MYC: variants seen among roughly 807,000 people sequenced by gnomAD.
MYC encodes myc proto-oncogene protein.
In MYC, 1 loss-of-function variant was observed where a neutral mutation model predicts 30.5. The ratio of observed to expected loss-of-function variants is 0.03; its 90% CI spans 0.01 to 0.16. The LOEUF (loss-of-function observed/expected upper bound fraction) is 0.16, where lower values mean the gene tolerates loss of function less well. Ranked by LOEUF, MYC falls within the 10% of genes least tolerant of loss-of-function variation. The probability of loss-of-function intolerance (pLI) is 1.00; values close to 1 mark genes in which losing one functional copy is unlikely to be tolerated. For missense variants in MYC, 508 were observed against 589.0 expected, an observed-to-expected ratio of 0.86 and a Z score of 1.42; for synonymous variants, 267 against 250.7, an observed-to-expected ratio of 1.07 and a Z score of -0.62.
Position 127,740,644 on chromosome 8 carries a change from A to G in MYC, c.1051A>G (p.Ile351Val). 1 of 1,614,110 alleles carries G rather than the reference A, an allele frequency of 6.2e-7. No homozygotes were observed. Among genetic ancestry groups the G allele is most frequent in the Non-Finnish European group, 8.5e-7 (1 of 1,180,024 alleles). The change falls in exon 3 of 3, where the codon ATC becomes GTC. Residue 351 changes from isoleucine to valine, a missense_variant. Coordinates refer to ENST00000621592, the MANE Select transcript of MYC (RefSeq NM_002467.6). ...GGACAGTGTCAGAGTCCTGAGACAGATCAGCAACAACCGAAAATGCACCAG... is the reference window on the plus strand; with the variant it reads ...GGACAGTGTCAGAGTCCTGAGACAGGTCAGCAACAACCGAAAATGCACCAG...
In MYC at chr8:127,742,925, A is replaced by T. The variant is rs1285560206; in HGVS notation, c.*1967A>T. Among the ~76,000 whole-genome samples, 1 of 152,188 alleles carries T rather than the reference A, an allele frequency of 6.6e-6. No homozygotes were observed. The highest frequency in any genetic ancestry group is 2.4e-5 in the African/African-American group (1 of 41,438). On this transcript the variant is annotated 3_prime_UTR_variant, in exon 3 of 3. Coordinates refer to ENST00000621592, the MANE Select transcript of MYC (RefSeq NM_002467.6). Reference sequence around the variant, plus strand: ...GGGATTTTAATCTACCACCACCCATAAATCAATAAATAATTACTTTCTTTG... The same window carrying T: ...GGGATTTTAATCTACCACCACCCATTAATCAATAAATAATTACTTTCTTTG...
chr8:127,736,145 G>C (rs1212393164), upstream of MYC: 69 of 451,386 alleles, frequency 1.5e-4, 1 homozygote, highest in Non-Finnish European at 1.6e-5. Flanking sequence ...CCTCGAGAAG[G>C]GCAGGGCTTC....
chr8:127,735,672 C>G, upstream of MYC: 1 of 398,958 alleles, frequency 2.5e-6, no homozygotes, highest in Non-Finnish European at 4.4e-6. Context: ...GCCTGGTACG[C>G]GCGTGGCGTG....
chr8:127,739,200 T>G (rs1037814347), intron 2 of MYC, among the ~76,000 whole-genome samples, 181 bp downstream of exon 2: 2 of 152,186 alleles, frequency 1.3e-5, no homozygotes, highest in Admixed American at 6.5e-5. Context: ...CCCTTCCCCT[T>G]AGACTGCCCA....
At position 127,740,379 on chromosome 8, in the gene MYC, T is replaced by C. The variant is rs2130101810; in HGVS notation, c.803-17T>C. The C allele has an allele frequency of 6.2e-7, 1 of 1,608,820 alleles. No homozygotes were observed. Among genetic ancestry groups the C allele is most frequent in the Non-Finnish European group, 8.5e-7 (1 of 1,176,336 alleles). The stretch of plus-strand genomic sequence containing the variant: ...GTAACCTTGCTAAAGGAGTGATTTC[T>C]ATTTCCTTTCTTAAAGAGGAGGAAC... On this transcript the variant is annotated splice_polypyrimidine_tract_variant and intron_variant, in intron 2 of 2. Coordinates refer to ENST00000621592, the MANE Select transcript of MYC (RefSeq NM_002467.6).
At chr8:127,737,440 G>T (rs1813612464) in intron 1 of MYC, among the ~76,000 whole-genome samples, 1 of 152,220 alleles carries the variant, frequency 6.6e-6, no homozygotes, top group South Asian at 2.1e-4. Flanking sequence ...CGAGGAGCGG[G>T]GCTCTGGGCG....
chr8:127,739,059 T>C (rs1247654539), intron 2 of MYC, 40 bp downstream of exon 2: 6 of 1,445,002 alleles, frequency 4.2e-6, no homozygotes, highest in Non-Finnish European at 5.4e-6. Flanking sequence ...AGTGGGCGGC[T>C]GGATACCTTT....
chr8:127,740,941 C>G lies in MYC; in HGVS notation c.1348C>G (p.Arg450Gly), dbSNP rs779123478. 5.1e-6 allele frequency: 8 copies of G among 1,573,736 alleles called. No homozygotes were observed. The South Asian group carries it at 7.0e-5, about 14-fold the overall frequency. ...GTTGAAACACAAACTTGAACAGCTA[C>G]GGAACTCTTGTGCGTAAGGAAAAGT... Residue 450 changes from arginine to glycine, a missense_variant, in exon 3 of 3, where the codon CGG (arginine) becomes GGG (glycine). Arg to Gly is a moderately radical substitution (Grantham distance 125). This residue lies in a region of MYC where 31 missense variants were observed against 28.3 expected (regional missense o/e 1.09). Coordinates refer to ENST00000621592, the MANE Select transcript of MYC (RefSeq NM_002467.6).
In MYC at chr8:127,736,591, A is replaced by G. The variant is rs1440943676; in HGVS notation, c.-3A>G. 1 of 1,614,076 alleles carries G rather than the reference A, an allele frequency of 6.2e-7. No individual in the cohort carries two copies. Among genetic ancestry groups the G allele is most frequent in the Non-Finnish European group, 8.5e-7 (1 of 1,180,040 alleles). On this transcript the variant is annotated 5_prime_UTR_variant, in exon 1 of 3. Coordinates refer to ENST00000621592, the MANE Select transcript of MYC (RefSeq NM_002467.6). ...AAAGGCTCTCCTTGCAGCTGCTTAG[A>G]CGCTGGATTTTTTTCGGGTAGTGGA... is the stretch of plus-strand genomic sequence containing the variant.
chr8:127,737,571 AC>A (rs1813616202), intron 1 of MYC, among the ~76,000 whole-genome samples: 1 of 144,436 alleles, frequency 6.9e-6, no homozygotes, highest in African/African-American at 2.6e-5. Flanking sequence ...ATTATTTGAC[AC>A]CCCCCTTGTA....
Position 127,738,997 on chromosome 8 carries a change from G to T in MYC, c.780G>T (p.Pro260=), listed in dbSNP as rs768812689. 2.0e-6 allele frequency: 3 copies of T among 1,521,318 alleles called. No individual in the cohort carries two copies. The highest frequency in any genetic ancestry group is 1.3e-5 in the South Asian group (1 of 78,910). 94.2% of individuals were successfully genotyped at this position (1,521,318 alleles called of 1,614,324 possible). Residue 260 remains proline (P), a synonymous_variant, in exon 2 of 3, where the codon CCG becomes CCT. Coordinates refer to ENST00000621592, the MANE Select transcript of MYC (RefSeq NM_002467.6). The surrounding 1 kb of genome is among the most constrained non-coding windows in gnomAD (Gnocchi z 7.6). ...CCCTGGTGCTCCATGAGGAGACACCGCCCACCACCAGCAGCGACTCTGGTA... is the reference window on the plus strand; with the variant it reads ...CCCTGGTGCTCCATGAGGAGACACCTCCCACCACCAGCAGCGACTCTGGTA...
chr8:127,740,174 G>A (rs866914587), intron 2 of MYC, among the ~76,000 whole-genome samples: 1 of 151,976 alleles, frequency 6.6e-6, no homozygotes, highest in Non-Finnish European at 1.5e-5. Flanking sequence ...GGCCAGGATG[G>A]TCTCTCCTGA....
In MYC at chr8:127,736,400, G is replaced by T. The variant is rs985838399; in HGVS notation, c.-194G>T. 3 of 623,860 alleles carry T rather than the reference G, an allele frequency of 4.8e-6. No individual in the cohort carries two copies. The highest frequency in any genetic ancestry group is 3.9e-5 in the South Asian group (2 of 51,870). The allele number at this position is 623,860 out of a possible 1,614,324, so 38.6% of individuals were successfully genotyped here. On this transcript the variant is annotated 5_prime_UTR_variant, in exon 1 of 3. Coordinates refer to ENST00000621592, the MANE Select transcript of MYC (RefSeq NM_002467.6). Reference sequence around the variant, plus strand: ...CCCTCCCGCTGATCCCCCAGCCAGCGGTCCGCAACCCTTGCCGCATCCACG... The same window carrying T: ...CCCTCCCGCTGATCCCCCAGCCAGCTGTCCGCAACCCTTGCCGCATCCACG...
At chr8:127,736,804 T>C (rs1333889093) in intron 1 of MYC, among the ~76,000 whole-genome samples, 181 bp downstream of exon 1, 1 of 152,084 alleles carries the variant, frequency 6.6e-6, no homozygotes, top group Non-Finnish European at 1.5e-5. Context: ...CGGGGTAAAG[T>C]GACTTGTCAA....
chr8:127,737,731 G>A (rs1200298586), intron 1 of MYC, among the ~76,000 whole-genome samples: 2 of 152,154 alleles, frequency 1.3e-5, no homozygotes, highest in African/African-American at 4.8e-5. Context: ...AGGGGCTGCG[G>A]TGCCGGCGGG....
chr8:127,740,630 G>C lies in MYC; in HGVS notation c.1037G>C (p.Arg346Thr), dbSNP rs752586995. ...AAGAGGGTCAAGTTGGACAGTGTCA[G>C]AGTCCTGAGACAGATCAGCAACAAC... Residue 346 changes from arginine to threonine, a missense_variant, in exon 3 of 3, where the codon AGA becomes ACA. This residue lies in a region of MYC where 364 missense variants were observed against 381.1 expected (regional missense o/e 0.96). Coordinates refer to ENST00000621592, the MANE Select transcript of MYC (RefSeq NM_002467.6). 2 of 1,614,046 alleles carry C rather than the reference G, an allele frequency of 1.2e-6. No homozygotes were observed. The highest frequency in any genetic ancestry group is 1.7e-6 in the Non-Finnish European group (2 of 1,180,006).
chr8:127,736,486 G>C lies in MYC; in HGVS notation c.-108G>C. 1 of 1,277,944 alleles carries C rather than the reference G, an allele frequency of 7.8e-7. No individual in the cohort carries two copies. The highest frequency in any genetic ancestry group is 1.9e-5 in the Admixed American group (1 of 52,338). The allele number at this position is 1,277,944 out of a possible 1,614,324, so 79.2% of individuals were successfully genotyped here. ...CTGGAACTTACAACACCCGAGCAAG[G>C]ACGCGACTCTCCCGACGCGGGGAGG... On this transcript the variant is annotated 5_prime_UTR_variant, in exon 1 of 3. Transcript: ENST00000621592.
upstream of MYC, chr8:127,735,785 C>A (rs1329400396): frequency 5.0e-6 from 2 of 399,206 alleles, no homozygotes; most frequent in East Asian, 3.6e-5. Context: ...AGTACTGCTA[C>A]GGAGGAGCAG....
Position 127,741,635 on chromosome 8 carries a change from CAGTT to C in MYC, c.*680_*683del, listed in dbSNP as rs560392947. ...AGACTATGATAACAGCCAGAGTTGA[CAGTT>C]AGAAGGAATGGCAGAAGGCAGGTGA... On this transcript the variant is annotated 3_prime_UTR_variant, in exon 3 of 3. Coordinates refer to ENST00000621592, the MANE Select transcript of MYC (RefSeq NM_002467.6). Among the ~76,000 whole-genome samples the C allele has an allele frequency of 1.2e-3, 190 of 152,096 alleles. No homozygotes were observed. Among genetic ancestry groups the C allele is most frequent in the Non-Finnish European group, 2.5e-3 (169 of 67,990 alleles).
Sources: allele counts gnomAD v4.1 joint callset (sites outside exome capture counted in the v4.1 genomes callset), GRCh38; gene constraint gnomAD v4.1.1; regional missense constraint gnomAD v4.1.1; non-coding constraint Gnocchi (gnomAD v3.1); transcripts MANE v1.5; gene names NCBI Gene and HGNC (gene_info 2026-07-23, HGNC 2026-07-21).